POLR2E: variants seen among roughly 807,000 people sequenced by gnomAD.
The protein encoded by POLR2E is DNA-directed RNA polymerases I, II, and III subunit RPABC1.
Under a neutral mutation model 29.8 loss-of-function variants are expected in POLR2E, and 35 were observed. The ratio of observed to expected loss-of-function variants is 1.17; its 90% CI spans 0.90 to 1.55. The LOEUF (loss-of-function observed/expected upper bound fraction) is 1.55, where lower values mean the gene tolerates loss of function less well. Ranked by LOEUF, POLR2E falls within the 40% of genes most tolerant of loss-of-function variation. POLR2E has a pLI of 0.00. For missense variants in POLR2E, 287 were observed against 288.6 expected, an observed-to-expected ratio of 0.99 and a Z score of 0.04; for synonymous variants, 174 against 112.6, an observed-to-expected ratio of 1.55 and a Z score of -3.45.
At position 1,093,905 on chromosome 19, in the gene POLR2E, T is replaced by C. The variant is rs2145148895; in HGVS notation, c.231A>G (p.Pro77=). 1.3e-6 allele frequency: 2 copies of C among 1,591,688 alleles called. No individual in the cohort carries two copies. Among genetic ancestry groups the C allele is most frequent in the East Asian group, 2.3e-5 (1 of 44,054 alleles). ...DPTDQMFVFF[P]EEPKVGIKTI... ...ACTCCCCCGGGACCCGCTGCTCACC[T>C]GGAAAGAACACAAACATCTGGTCGG... Residue 77 remains proline (P), a splice_region_variant and synonymous_variant, in exon 2 of 8, where the codon CCA becomes CCG. Coordinates refer to ENST00000615234, the MANE Select transcript of POLR2E (RefSeq NM_002695.5).
At position 1,091,919 on chromosome 19, in the gene POLR2E, G is replaced by A. The variant is rs927470247; in HGVS notation, c.233-12C>T. On this transcript the variant is annotated splice_polypyrimidine_tract_variant and intron_variant, in intron 2 of 7. Coordinates refer to ENST00000615234, the MANE Select transcript of POLR2E (RefSeq NM_002695.5). ...CACCTTGGGCTCCTCTGCAGACAGA[G>A]AGTGTGCTGGCCTGCACGAGCCTGG... 3 of 1,578,508 alleles carry A rather than the reference G, an allele frequency of 1.9e-6. No homozygotes were observed. Among genetic ancestry groups the A allele is most frequent in the South Asian group, 2.2e-5 (2 of 90,384 alleles).
intron 3 of POLR2E, among the ~76,000 whole-genome samples, chr19:1,091,333 G>A (rs1448352253): frequency 1.3e-5 from 2 of 152,246 alleles, no homozygotes; most frequent in Non-Finnish European, 2.9e-5. Flanking sequence ...TGGTGGGCCA[G>A]GGACTAAACT....
chr19:1,091,224 C>T (rs969903377), intron 3 of POLR2E, among the ~76,000 whole-genome samples: 3 of 152,236 alleles, frequency 2.0e-5, no homozygotes, highest in Admixed American at 1.3e-4. Context: ...GATGTGTTTC[C>T]ATCCATCACA....
At chr19:1,094,787 G>T in intron 1 of POLR2E, 1 of 179,102 alleles carries the variant, frequency 5.6e-6, no homozygotes, top group South Asian at 1.2e-4. Flanking sequence ...ATCTGCCCCA[G>T]ACCCCAAGGC....
At chr19:1,089,588 G>C (rs773489108) in intron 6 of POLR2E, 37 bp from the exon 7 acceptor site, 4 of 1,569,270 alleles carry the variant, frequency 2.5e-6, no homozygotes, top group Non-Finnish European at 3.5e-6. Context: ...GAATGCTTGA[G>C]GGGTCTCACT....
intron 1 of POLR2E, chr19:1,094,903 A>G: frequency 3.0e-6 from 1 of 332,212 alleles, no homozygotes; most frequent in Non-Finnish European, 5.5e-6. Context: ...GGGGTTCAGG[A>G]CGCAAGGACA....
rs777839600 is a variant in POLR2E, at chr19:1,089,569, AGG to A, written c.568-20_568-19del. ...TTCACCACCTGCAGAGACAGAGAGC[AGG>A]GGCTGCGAATGCTTGAGGGGTCTCA... On this transcript the variant is annotated intron_variant, in intron 6 of 7. Coordinates refer to ENST00000615234, the MANE Select transcript of POLR2E (RefSeq NM_002695.5). 5 of 1,610,558 alleles carry A rather than the reference AGG, an allele frequency of 3.1e-6. No homozygotes were observed. Among genetic ancestry groups the A allele is most frequent in the Non-Finnish European group, 4.2e-6 (5 of 1,176,988 alleles).
chr19:1,094,201 A>G (rs1201253034), intron 1 of POLR2E, 123 bp from the exon 2 acceptor site: 2 of 832,502 alleles, frequency 2.4e-6, no homozygotes, highest in African/African-American at 1.7e-5. Context: ...CGGGATGAAC[A>G]CTCACTGTGT....
At chr19:1,094,193 G>T in intron 1 of POLR2E, 115 bp from the exon 2 acceptor site, 3 of 897,932 alleles carry the variant, frequency 3.3e-6, no homozygotes, top group East Asian at 2.7e-5. Flanking sequence ...ACAGCAAACG[G>T]GATGAACACT....
intron 2 of POLR2E, among the ~76,000 whole-genome samples, chr19:1,092,996 G>C (rs1392534504): frequency 6.6e-6 from 1 of 151,756 alleles, no homozygotes; most frequent in Non-Finnish European, 1.5e-5. Flanking sequence ...AAGCAGTCTA[G>C]CCAACATGGT....
rs1379278373 is a variant in POLR2E at position 1,088,141 on chromosome 19, G to A, written c.*594C>T. Reference sequence around the variant, plus strand: ...TTGGGGTGAGGCAAGGCCACCTGCTGGAAACCTTGTTAGTCGGCCTGGTTT... The same window carrying A: ...TTGGGGTGAGGCAAGGCCACCTGCTAGAAACCTTGTTAGTCGGCCTGGTTT... On this transcript the variant is annotated 3_prime_UTR_variant, in exon 8 of 8. Transcript: ENST00000615234. The A allele has an allele frequency of 6.6e-6, 1 of 152,344 alleles. No individual in the cohort carries two copies. Among genetic ancestry groups the A allele is most frequent in the Non-Finnish European group, 1.5e-5 (1 of 68,038 alleles). The allele number at this position is 152,344 out of a possible 1,614,324, so 9.4% of individuals were successfully genotyped here.
chr19:1,095,256 C>T lies in POLR2E; in HGVS notation c.57+3G>A. The T allele has an allele frequency of 6.2e-7, 1 of 1,612,982 alleles. No individual in the cohort carries two copies. Among genetic ancestry groups the T allele is most frequent in the Non-Finnish European group, 8.5e-7 (1 of 1,179,682 alleles). On this transcript the variant is annotated splice_donor_region_variant and intron_variant, in intron 1 of 7. Transcript: ENST00000615234. The stretch of plus-strand genomic sequence containing the variant: ...CCCGCCCCCAACACCAGGCGCGGCT[C>T]ACCTGCATGATGGTCTTGCGGATTT...
chr19:1,093,760 A>G (rs1408043775), intron 2 of POLR2E, 144 bp downstream of exon 2: 1 of 1,414,612 alleles, frequency 7.1e-7, no homozygotes, highest in East Asian at 2.7e-5. Flanking sequence ...ACCCACAGCA[A>G]GGAAGGGGAG....
At chr19:1,093,207 A>C (rs1354585744) in intron 2 of POLR2E, among the ~76,000 whole-genome samples, 2 of 152,128 alleles carry the variant, frequency 1.3e-5, no homozygotes, top group Non-Finnish European at 2.9e-5. Context: ...ACAAAAAAAA[A>C]ACAAAAAAAC....
In POLR2E at chr19:1,086,764, A is replaced by AG. The variant is rs1359082587; in HGVS notation, c.*1970dup. ...CCCCTAGGGGAGGGATGTGTGAGGA[A>AG]GGGAACCCCCCGCCACGGGGCCCCG... is the stretch of plus-strand genomic sequence containing the variant. On this transcript the variant is annotated 3_prime_UTR_variant, in exon 8 of 8. Coordinates refer to ENST00000615234, the MANE Select transcript of POLR2E (RefSeq NM_002695.5). 6.6e-6 allele frequency: 1 copy of AG among 151,898 alleles called. No homozygotes were observed. Among genetic ancestry groups the AG allele is most frequent in the African/African-American group, 2.4e-5 (1 of 41,188 alleles). 9.4% of individuals were successfully genotyped at this position (151,898 alleles called of 1,614,324 possible).
In POLR2E at chr19:1,089,562, A is replaced by G. The variant is rs1427111787; in HGVS notation, c.568-11T>C. 7.4e-6 allele frequency: 12 copies of G among 1,612,280 alleles called. No individual in the cohort carries two copies. In the South Asian group the frequency reaches 1.1e-4, roughly 15 times the overall value. On this transcript the variant is annotated splice_polypyrimidine_tract_variant and intron_variant, in intron 6 of 7. Coordinates refer to ENST00000615234, the MANE Select transcript of POLR2E (RefSeq NM_002695.5). ...GATGATCTTCACCACCTGCAGAGAC[A>G]GAGAGCAGGGGCTGCGAATGCTTGA...
chr19:1,090,459 C>CCTT (rs1279555337), intron 4 of POLR2E, among the ~76,000 whole-genome samples: 1 of 90,960 alleles, frequency 1.1e-5, no homozygotes, highest in Non-Finnish European at 2.6e-5. Context: ...CCGGGATCTG[C>CCTT]ATTTTTTTTT....
At chr19:1,089,176 G>A (rs181044246) in intron 7 of POLR2E, among the ~76,000 whole-genome samples, 56 of 152,320 alleles carry the variant, frequency 3.7e-4, no homozygotes, top group African/African-American at 1.1e-3. Flanking sequence ...AAGTCCCGCC[G>A]CACAACTGCC....
At chr19:1,093,475 G>A (rs540580964) in intron 2 of POLR2E, among the ~76,000 whole-genome samples, 170 of 152,310 alleles carry the variant, frequency 1.1e-3, no homozygotes, top group African/African-American at 2.1e-3. Context: ...GAGGGGGCAT[G>A]GGGTGCGGAG....
Sources: allele counts gnomAD v4.1 joint callset (sites outside exome capture counted in the v4.1 genomes callset), GRCh38; gene constraint gnomAD v4.1.1; transcripts MANE v1.5; gene names NCBI Gene and HGNC (gene_info 2026-07-23, HGNC 2026-07-21).